The following XRCC4 variants were observed in gnomAD, a reference collection of about 807,000 sequenced individuals.
The protein encoded by XRCC4 is DNA repair protein XRCC4.
Under a neutral mutation model 39.1 loss-of-function variants are expected in XRCC4, and 28 were observed. The observed-to-expected ratio is 0.72, with a 90% confidence interval of 0.53 to 0.98. The LOEUF (loss-of-function observed/expected upper bound fraction) is 0.98. Ranked by LOEUF, XRCC4 falls within the 50% of genes least tolerant of loss-of-function variation. XRCC4 has a pLI of 0.00. For missense variants in XRCC4, 350 were observed against 376.4 expected, an observed-to-expected ratio of 0.93 and a Z score of 0.58; for synonymous variants, 123 against 126.4, an observed-to-expected ratio of 0.97 and a Z score of 0.18.
intron 3 of XRCC4, among the ~76,000 whole-genome samples, chr5:83,168,947 C>G (rs1173016532): frequency 2.0e-5 from 3 of 152,152 alleles, no homozygotes; most frequent in African/African-American, 7.2e-5. Flanking sequence ...AGAGAATCCC[C>G]GGAATGATGC....
At chr5:83,258,470 A>G in intron 6 of XRCC4, 60 bp from the exon 7 acceptor site, 1 of 1,563,184 alleles carries the variant, frequency 6.4e-7, no homozygotes, top group Non-Finnish European at 8.7e-7. Flanking sequence ...CAGCAAGTTA[A>G]TACTTACAAA....
chr5:83,133,452 G>T (rs6452520), intron 3 of XRCC4, among the ~76,000 whole-genome samples: 73,284 of 151,670 alleles, frequency 0.48, 18,628 homozygotes, highest in African/African-American at 0.63. Flanking sequence ...AGAAGTTTCT[G>T]CTGCCTTTTG....
At chr5:83,227,605 C>T (rs576421597) in intron 6 of XRCC4, among the ~76,000 whole-genome samples, 13 of 152,022 alleles carry the variant, frequency 8.6e-5, no homozygotes, top group Middle Eastern at 6.8e-3. Context: ...GCTTGTTCTC[C>T]GGTTGGTATT....
In XRCC4 at chr5:83,280,950, A is replaced by T. The variant is rs1303128847; in HGVS notation, c.893+22273A>T. The stretch of plus-strand genomic sequence containing the variant: ...TATCCTCTTTCCTGGAGTTTCTTTT[A>T]GTGCAAGGTTTACCTACGCTACATG... On this transcript the variant is annotated intron_variant, in intron 7 of 7. Transcript: ENST00000396027. 2.0e-5 allele frequency among the ~76,000 whole-genome samples: 3 copies of T among 152,282 alleles called. No individual in the cohort carries two copies. The South Asian group carries it at 6.2e-4, about 32-fold the overall frequency.
At chr5:83,099,059 T>C (rs1366590879) in intron 1 of XRCC4, among the ~76,000 whole-genome samples, 3 of 152,146 alleles carry the variant, frequency 2.0e-5, no homozygotes, top group Non-Finnish European at 4.4e-5. Context: ...CTTTTAAGAA[T>C]AAAAATAATA....
intron 1 of XRCC4, among the ~76,000 whole-genome samples, chr5:83,093,976 T>C (rs1745551657): frequency 6.6e-6 from 1 of 152,138 alleles, no homozygotes; most frequent in East Asian, 1.9e-4. Flanking sequence ...AAGTTTATTG[T>C]TATTTTTATT....
chr5:83,204,744 C>T, intron 5 of XRCC4, 71 bp from the exon 6 acceptor site: 2 of 1,046,328 alleles, frequency 1.9e-6, no homozygotes, highest in East Asian at 2.6e-5. Context: ...TCTATAATTG[C>T]TTACTGATAA....
intron 2 of XRCC4, among the ~76,000 whole-genome samples, chr5:83,109,145 A>C (rs1314113293): frequency 1.3e-5 from 2 of 151,858 alleles, no homozygotes; most frequent in Non-Finnish European, 3.0e-5. Flanking sequence ...CAGACACTTG[A>C]TAGCATAGAG....
In XRCC4 at chr5:83,094,441, C is replaced by CT. The variant is rs1214477301; in HGVS notation, c.-10-10462dup. On this transcript the variant is annotated intron_variant, in intron 1 of 7. Coordinates refer to ENST00000396027, the MANE Select transcript of XRCC4 (RefSeq NM_003401.5). ...CCCTCTTCTTTCCTTTCCTCTTTTTCTTTTTTTCTTTGCTCCTCTGACTGA... is the reference window on the plus strand; with the variant it reads ...CCCTCTTCTTTCCTTTCCTCTTTTTCTTTTTTTTCTTTGCTCCTCTGACTGA... Among the ~76,000 whole-genome samples, 442 of 140,638 alleles carry CT rather than the reference C, an allele frequency of 3.1e-3. 1 individual carries two copies. The highest frequency in any genetic ancestry group is 0.011 in the African/African-American group (421 of 38,010). 92.3% of individuals were successfully genotyped at this position (140,638 alleles called of 152,430 possible).
chr5:83,316,649 C>G (rs1322332306), intron 7 of XRCC4, among the ~76,000 whole-genome samples: 1 of 129,476 alleles, frequency 7.7e-6, no homozygotes, highest in South Asian at 2.8e-4. Context: ...ACAAGAGGAG[C>G]TAACTATCCT....
At chr5:83,273,770 G>T (rs1055562730) in intron 7 of XRCC4, among the ~76,000 whole-genome samples, 6 of 152,036 alleles carry the variant, frequency 3.9e-5, no homozygotes, top group African/African-American at 1.4e-4. Context: ...TGTTGCATTG[G>T]TCTATATATC....
At chr5:83,092,892 AC>A (rs1745494013) in intron 1 of XRCC4, among the ~76,000 whole-genome samples, 1 of 152,022 alleles carries the variant, frequency 6.6e-6, no homozygotes, top group South Asian at 2.1e-4. Flanking sequence ...AGAAAAAAAG[AC>A]CCAATGATAG....
At chr5:83,125,762 C>T (rs1231803107) in intron 3 of XRCC4, among the ~76,000 whole-genome samples, 1 of 151,776 alleles carries the variant, frequency 6.6e-6, no homozygotes, top group Non-Finnish European at 1.5e-5. Flanking sequence ...GCGGGTGGAT[C>T]ACCTGAGGTC....
chr5:83,209,812 T>C (rs1751570734), intron 6 of XRCC4, among the ~76,000 whole-genome samples: 1 of 152,152 alleles, frequency 6.6e-6, no homozygotes, highest in Non-Finnish European at 1.5e-5. Context: ...TTTTCTAGAA[T>C]GTTTCACTCT....
intron 7 of XRCC4, among the ~76,000 whole-genome samples, chr5:83,301,318 C>T (rs529914908): frequency 3.3e-5 from 5 of 152,328 alleles, no homozygotes; most frequent in Non-Finnish European, 7.3e-5. Context: ...ATTTGCATTT[C>T]TCTAATGCCA....
intron 1 of XRCC4, among the ~76,000 whole-genome samples, chr5:83,099,984 A>G (rs1174425603): frequency 1.3e-5 from 2 of 152,144 alleles, no homozygotes; most frequent in Non-Finnish European, 2.9e-5. Flanking sequence ...GATTCTTACT[A>G]GATGTTTTGT....
rs1467112924 is a variant in XRCC4, at chr5:83,203,244, A to T, written c.483-308A>T. ...TTTACTCTTGTTTGAAATTTATCCCATAAAAACATTCTTTTGTAAATAAAC... is the reference window on the plus strand; with the variant it reads ...TTTACTCTTGTTTGAAATTTATCCCTTAAAAACATTCTTTTGTAAATAAAC... On this transcript the variant is annotated intron_variant, in intron 4 of 7. Coordinates refer to ENST00000396027, the MANE Select transcript of XRCC4 (RefSeq NM_003401.5). Among the ~76,000 whole-genome samples the T allele has an allele frequency of 2.0e-5, 3 of 152,178 alleles. No homozygotes were observed. The East Asian group carries it at 5.8e-4, about 29-fold the overall frequency.
chr5:83,348,575 G>A (rs1412858342), intron 7 of XRCC4, among the ~76,000 whole-genome samples: 1 of 152,222 alleles, frequency 6.6e-6, no homozygotes, highest in Non-Finnish European at 1.5e-5. Context: ...CCCTTGGGCT[G>A]GCCCACAAAA....
chr5:83,182,741 C>T (rs1750258652), intron 3 of XRCC4, among the ~76,000 whole-genome samples: 1 of 152,078 alleles, frequency 6.6e-6, no homozygotes, highest in Admixed American at 6.5e-5. Context: ...TGAATGGGAT[C>T]AGTGCTCTTA....
Sources: gnomAD v4.1 joint callset for allele counts (sites outside exome capture counted in the v4.1 genomes callset) on GRCh38, gnomAD v4.1.1 for gene constraint, MANE v1.5 for transcripts, NCBI Gene and HGNC (gene_info 2026-07-23, HGNC 2026-07-21) for gene names.